Variants in WWC2 observed in about 807,000 individuals in gnomAD.
The protein encoded by WWC2 is protein WWC2.
WWC2 carries 101 observed loss-of-function variants against 138.5 expected under a neutral mutation model. That is an observed-to-expected ratio of 0.73 (90% CI 0.62 to 0.86). The LOEUF (loss-of-function observed/expected upper bound fraction) is 0.86, where lower values mean the gene tolerates loss of function less well. WWC2 is among the 40% of genes least tolerant of loss of function. The probability of loss-of-function intolerance (pLI) is 0.00; values close to 1 mark genes in which losing one functional copy is unlikely to be tolerated. For synonymous variants in WWC2, 558 were observed against 538.4 expected (o/e 1.04, Z -0.50); for missense variants, 1,420 against 1,419.4 (o/e 1.00, Z -0.01).
chr4:183,261,703 T>G (rs553544194), intron 11 of WWC2, among the ~76,000 whole-genome samples, 171 bp downstream of exon 11: 1 of 152,354 alleles, frequency 6.6e-6, no homozygotes, highest in South Asian at 2.1e-4. Flanking sequence ...TAGATATTTT[T>G]CATTATCAAA....
At chr4:183,261,575 T>C in intron 11 of WWC2, 43 bp downstream of exon 11, 1 of 1,549,068 alleles carries the variant, frequency 6.5e-7, no homozygotes, top group East Asian at 2.3e-5. Context: ...TGTTAGTGAT[T>C]TTAAGGAGAA....
chr4:183,220,525 T>A, intron 4 of WWC2, among the ~76,000 whole-genome samples: 2 of 146,034 alleles, frequency 1.4e-5, no homozygotes, highest in Admixed American at 6.8e-5. Context: ...TGCCCTAGAG[T>A]ATCCACTTTA....
At position 183,271,125 on chromosome 4, in the gene WWC2, G is replaced by T. The variant is rs11734376; in HGVS notation, c.2446G>T (p.Val816Phe). 0.13 allele frequency: 212,586 copies of T among 1,609,534 alleles called. 16,066 individuals carry two copies. The highest frequency in any genetic ancestry group is 0.16 in the Middle Eastern group (987 of 6,036). The change falls in exon 16 of 23, where the codon GTT (valine) becomes TTT (phenylalanine). Residue 816 changes from valine (V) to phenylalanine (F), a missense_variant. Val to Phe is a conservative substitution (Grantham distance 50). Coordinates refer to ENST00000403733, the MANE Select transcript of WWC2 (RefSeq NM_024949.6). Reference sequence around the variant, plus strand: ...GGCAGATTTACCATTTTCCAGTGAGGTTTTCACTCTATGGTATAACTTGCT... The same window carrying T: ...GGCAGATTTACCATTTTCCAGTGAGTTTTTCACTCTATGGTATAACTTGCT... ...SLADLPFSSE[V>F]FTLWYNLLPS...
intron 15 of WWC2, among the ~76,000 whole-genome samples, chr4:183,270,628 G>T (rs1165058700): frequency 6.8e-6 from 1 of 147,634 alleles, no homozygotes; most frequent in Admixed American, 6.7e-5. Flanking sequence ...GCTGGGTGTT[G>T]TGGTGCGCAC....
Position 183,265,855 on chromosome 4 carries a change from CTT to C in WWC2, c.2121-7_2121-6del. On this transcript the variant is annotated splice_polypyrimidine_tract_variant and splice_region_variant and intron_variant, in intron 13 of 22. Coordinates refer to ENST00000403733, the MANE Select transcript of WWC2 (RefSeq NM_024949.6). ...TGATTCCTGACTTCATTTAGCCTCT[CTT>C]TTGACAGATACAATGCAAAAAGTTC... 3.1e-6 allele frequency: 5 copies of C among 1,612,092 alleles called. No individual in the cohort carries two copies. The highest frequency in any genetic ancestry group is 4.2e-6 in the Non-Finnish European group (5 of 1,178,982).
rs183583878 is a variant in WWC2, at chr4:183,275,059, A to T, written c.2562+3818A>T. Among the ~76,000 whole-genome samples, 574 of 152,126 alleles carry T rather than the reference A, an allele frequency of 3.8e-3. 13 individuals are homozygous for T. The highest frequency in any genetic ancestry group is 0.03 in the Admixed American group (458 of 15,278). ...TGTAACTTGATGTTCCTGTTGAATA[A>T]CCTTTCCCTTTTCCTCCTCACCCTC... is the stretch of plus-strand genomic sequence containing the variant. On this transcript the variant is annotated intron_variant, in intron 16 of 22. Coordinates refer to ENST00000403733, the MANE Select transcript of WWC2 (RefSeq NM_024949.6).
intron 1 of WWC2, among the ~76,000 whole-genome samples, chr4:183,142,529 A>G (rs1733332567): frequency 6.6e-6 from 1 of 152,256 alleles, no homozygotes; most frequent in South Asian, 2.1e-4. Context: ...GAGTGTGTAT[A>G]GGTCCTTCCA....
At chr4:183,209,490 G>A (rs960043740) in intron 4 of WWC2, among the ~76,000 whole-genome samples, 1 of 152,176 alleles carries the variant, frequency 6.6e-6, no homozygotes, top group African/African-American at 2.4e-5. Flanking sequence ...GCCCGCCTTA[G>A]CCTCCCAAAG....
chr4:183,248,673 AC>A, intron 6 of WWC2, 40 bp from the exon 7 acceptor site: 3 of 1,526,474 alleles, frequency 2.0e-6, no homozygotes, highest in Non-Finnish European at 2.7e-6. Context: ...TTGCTGTCTT[AC>A]TTGTTAAGCT....
chr4:183,130,923 A>G (rs530276405), intron 1 of WWC2, among the ~76,000 whole-genome samples: 6 of 152,360 alleles, frequency 3.9e-5, no homozygotes. Flanking sequence ...AGCAACATCT[A>G]GACTAGTGTT....
intron 1 of WWC2, among the ~76,000 whole-genome samples, chr4:183,113,328 A>C (rs1017175217): frequency 6.6e-6 from 1 of 151,888 alleles, no homozygotes; most frequent in Non-Finnish European, 1.5e-5. Flanking sequence ...AGGTTGGTGC[A>C]AAAGTAATTG....
chr4:183,105,506 A>G (rs552866986), intron 1 of WWC2, among the ~76,000 whole-genome samples: 3 of 152,328 alleles, frequency 2.0e-5, no homozygotes, highest in East Asian at 1.9e-4. Context: ...GCCCTAATAC[A>G]CTGTGAATTC....
At chr4:183,161,916 A>G (rs1733971676) in intron 1 of WWC2, among the ~76,000 whole-genome samples, 1 of 152,208 alleles carries the variant, frequency 6.6e-6, no homozygotes, top group African/African-American at 2.4e-5. Flanking sequence ...CCACCATTTG[A>G]GAGACTTCAG....
intron 2 of WWC2, among the ~76,000 whole-genome samples, chr4:183,196,095 G>A (rs1021297077): frequency 6.6e-6 from 1 of 152,094 alleles, no homozygotes; most frequent in Non-Finnish European, 1.5e-5. Context: ...ATAATGTGGT[G>A]CTCCCGCTTT....
chr4:183,263,374 T>G (rs1737398020), intron 11 of WWC2, among the ~76,000 whole-genome samples: 1 of 152,210 alleles, frequency 6.6e-6, no homozygotes, highest in Admixed American at 6.5e-5. Context: ...AGTCCTGTCT[T>G]GCAAGTGTGT....
chr4:183,173,374 A>T (rs1287819367), intron 1 of WWC2, among the ~76,000 whole-genome samples: 2 of 151,890 alleles, frequency 1.3e-5, no homozygotes, highest in East Asian at 3.9e-4. Context: ...TTTGATAGTA[A>T]CCTGTTCTAT....
chr4:183,178,993 A>G (rs1734544250), intron 1 of WWC2, among the ~76,000 whole-genome samples: 1 of 152,246 alleles, frequency 6.6e-6, no homozygotes, highest in African/African-American at 2.4e-5. Context: ...GTACCAGACA[A>G]TACTGGAAGG....
chr4:183,180,528 G>A (rs1402777063), intron 1 of WWC2, among the ~76,000 whole-genome samples: 1 of 152,000 alleles, frequency 6.6e-6, no homozygotes, highest in Non-Finnish European at 1.5e-5. Flanking sequence ...AGCTAGACTG[G>A]GATGCAAACA....
chr4:183,257,722 T>A (rs1737192615), intron 9 of WWC2, among the ~76,000 whole-genome samples: 1 of 152,126 alleles, frequency 6.6e-6, no homozygotes, highest in Non-Finnish European at 1.5e-5. Context: ...GGTGATAACA[T>A]CAGAGACAAA....
Sources: gnomAD v4.1 joint callset for allele counts (sites outside exome capture counted in the v4.1 genomes callset) on GRCh38, gnomAD v4.1.1 for gene constraint, MANE v1.5 for transcripts, NCBI Gene and HGNC (gene_info 2026-07-23, HGNC 2026-07-21) for gene names.